TF: variants seen among roughly 807,000 people sequenced by gnomAD.
TF encodes the protein serotransferrin.
TF carries 55 observed loss-of-function variants against 82.4 expected under a neutral mutation model. The ratio of observed to expected loss-of-function variants is 0.67; its 90% CI spans 0.54 to 0.84. TF has a LOEUF of 0.84. Ranked by LOEUF, TF falls within the 40% of genes least tolerant of loss-of-function variation. TF has a pLI of 0.00. For missense variants in TF, 737 were observed against 868.4 expected (o/e 0.85, Z 1.90); for synonymous variants, 332 against 332.6 (o/e 1.00, Z 0.02).
At chr3:133,771,148 A>G (rs953985664) in intron 14 of TF, among the ~76,000 whole-genome samples, 4 of 152,316 alleles carry the variant, frequency 2.6e-5, no homozygotes, top group Admixed American at 1.3e-4. Context: ...CTGGGGCAGG[A>G]AAAATAGATG....
At chr3:133,691,410 A>C in the TF span, among the ~76,000 whole-genome samples, 1 of 152,254 alleles carries the variant, frequency 6.6e-6, no homozygotes, top group African/African-American at 2.4e-5. Context: ...GGAATAGAAC[A>C]GACAAACATG....
chr3:133,778,065 C>T (rs1344590191), intron 16 of TF: 1 of 167,004 alleles, frequency 6.0e-6, no homozygotes, highest in Admixed American at 5.6e-5. Flanking sequence ...AAAGCTGCCC[C>T]CATGTAATTC....
the TF span, among the ~76,000 whole-genome samples, chr3:133,733,719 C>G: frequency 2.0e-5 from 3 of 152,308 alleles, no homozygotes; most frequent in Middle Eastern, 3.4e-3. Flanking sequence ...TGCTGAATAT[C>G]TCTGCTCCGT....
chr3:133,765,792 G>A (rs1934112561), intron 11 of TF, among the ~76,000 whole-genome samples: 1 of 152,198 alleles, frequency 6.6e-6, no homozygotes, highest in South Asian at 2.1e-4. Context: ...AAGCTGACTT[G>A]ATATTGACAT....
the TF span, among the ~76,000 whole-genome samples, chr3:133,713,702 T>C: frequency 4.6e-5 from 7 of 152,210 alleles, no homozygotes. Flanking sequence ...CTGCTGCTTT[T>C]AGCTTCCTCA....
chr3:133,719,048 A>G, the TF span, among the ~76,000 whole-genome samples: 34 of 152,326 alleles, frequency 2.2e-4, no homozygotes, highest in Admixed American at 2.0e-3. Context: ...TAAGTGTCAT[A>G]ACACTGATTT....
the TF span, among the ~76,000 whole-genome samples, chr3:133,664,301 C>A: frequency 6.6e-6 from 1 of 152,138 alleles, no homozygotes; most frequent in African/African-American, 2.4e-5. Context: ...TTATATATAA[C>A]CTGTGCACAT....
rs1373433618 is a variant in TF, at chr3:133,780,484, T to C, written c.*1864T>C. 1 of 152,174 alleles carries C rather than the reference T, an allele frequency of 6.6e-6. No homozygotes were observed. The highest frequency in any genetic ancestry group is 1.9e-4 in the East Asian group (1 of 5,200). 9.4% of individuals were successfully genotyped at this position (152,174 alleles called of 1,614,324 possible). A position where few individuals can be genotyped will look rare whatever the true frequency, so the allele number is the denominator to read the frequency against. On this transcript the variant is annotated 3_prime_UTR_variant, in exon 17 of 17. Coordinates refer to ENST00000402696, the MANE Select transcript of TF (RefSeq NM_001063.4). ...CAGATGTTATTTGGCCATAATTTTA[T>C]ATACATGTAAACAAAAGCTAATACA...
At chr3:133,722,795 T>C in the TF span, among the ~76,000 whole-genome samples, 1 of 152,240 alleles carries the variant, frequency 6.6e-6, no homozygotes, top group African/African-American at 2.4e-5. Context: ...ACTAGAAGAC[T>C]GAGAGTTTTA....
At chr3:133,748,866 T>C (rs753700540) in intron 2 of TF, among the ~76,000 whole-genome samples, 1 of 152,088 alleles carries the variant, frequency 6.6e-6, no homozygotes, top group South Asian at 2.1e-4. Flanking sequence ...AATATAAGAA[T>C]GCCTGCTATC....
chr3:133,772,556 A>G (rs1576366943), intron 14 of TF, among the ~76,000 whole-genome samples: 1 of 152,206 alleles, frequency 6.6e-6, no homozygotes, highest in East Asian at 1.9e-4. Context: ...GTATATATAC[A>G]ATCCATATAC....
rs1025386124 is a variant in TF, at chr3:133,779,398, C to T, written c.*778C>T. 8 of 152,220 alleles carry T rather than the reference C, an allele frequency of 5.3e-5. No homozygotes were observed. Among genetic ancestry groups the T allele is most frequent in the South Asian group, 2.1e-4 (1 of 4,830 alleles). 9.4% of individuals were successfully genotyped at this position (152,220 alleles called of 1,614,324 possible). On this transcript the variant is annotated 3_prime_UTR_variant, in exon 17 of 17. Coordinates refer to ENST00000402696, the MANE Select transcript of TF (RefSeq NM_001063.4). ...CTGAATGTACCCTGGCAAAAGTCAC[C>T]GTCTACCTGCCAACTGTTAAACCAA...
chr3:133,751,054 C>T (rs1933649813), intron 2 of TF, among the ~76,000 whole-genome samples: 1 of 152,054 alleles, frequency 6.6e-6, no homozygotes, highest in South Asian at 2.1e-4. Context: ...ATATGTTTTA[C>T]AACCCAAATA....
At position 133,792,246 on chromosome 3, in the gene TF, G is replaced by A. The variant is rs1934857728; in HGVS notation, c.*13626G>A. The A allele has an allele frequency of 6.6e-6, 1 of 152,142 alleles. No individual in the cohort carries two copies. Among genetic ancestry groups the A allele is most frequent in the Admixed American group, 6.5e-5 (1 of 15,274 alleles). 9.4% of individuals were successfully genotyped at this position (152,142 alleles called of 1,614,324 possible). A position where few individuals can be genotyped will look rare whatever the true frequency, so the allele number is the denominator to read the frequency against. ...AGAAAGGATCTTATATCGTAAATTC[G>A]TGTCCTAAAGTAAAATAAGCGGTTG... is the stretch of plus-strand genomic sequence containing the variant. On this transcript the variant is annotated 3_prime_UTR_variant, in exon 17 of 17. Coordinates refer to ENST00000402696, the MANE Select transcript of TF (RefSeq NM_001063.4).
the TF span, among the ~76,000 whole-genome samples, chr3:133,736,155 T>C: frequency 6.6e-6 from 1 of 152,202 alleles, no homozygotes; most frequent in Non-Finnish European, 1.5e-5. Flanking sequence ...ATATTCAACA[T>C]TCTTAAAGAA....
chr3:133,758,639 G>A (rs1277606352), intron 8 of TF, among the ~76,000 whole-genome samples: 1 of 152,190 alleles, frequency 6.6e-6, no homozygotes, highest in African/African-American at 2.4e-5. Flanking sequence ...AATAGGCCCT[G>A]GACTTGGCGT....
chr3:133,729,304 G>A, the TF span, among the ~76,000 whole-genome samples: 2,003 of 152,342 alleles, frequency 0.013, 40 homozygotes, highest in African/African-American at 0.044. Flanking sequence ...GCTGTGGTGG[G>A]CTCCACCCAG....
Position 133,748,485 on chromosome 3 carries a change from G to C in TF, c.117G>C (p.Gln39His). The C allele has an allele frequency of 6.2e-7, 1 of 1,614,178 alleles. No individual in the cohort carries two copies. The highest frequency in any genetic ancestry group is 8.5e-7 in the Non-Finnish European group (1 of 1,180,036). ...CGGAGCATGAGGCCACTAAGTGCCA[G>C]AGTTTCCGCGACCATATGAAAAGCG... ...AVSEHEATKCQSFRDHMKSVI... is the reference protein window; with the variant it reads ...AVSEHEATKCHSFRDHMKSVI... The change falls in exon 2 of 17, where the codon CAG (glutamine) becomes CAC (histidine). Residue 39 changes from glutamine (Q) to histidine (H), a missense_variant. By Grantham distance (24) the Gln-to-His change is conservative. Transcript: ENST00000402696.
At chr3:133,721,190 T>C in the TF span, among the ~76,000 whole-genome samples, 3 of 152,156 alleles carry the variant, frequency 2.0e-5, no homozygotes, top group African/African-American at 7.2e-5. Context: ...AGTTAGGTTG[T>C]TTATTAGAAA....
Sources: allele counts gnomAD v4.1 joint callset (sites outside exome capture counted in the v4.1 genomes callset), GRCh38; gene constraint gnomAD v4.1.1; transcripts MANE v1.5; gene names NCBI Gene and HGNC (gene_info 2026-07-23, HGNC 2026-07-21).